Variants in ITGBL1 observed in about 807,000 individuals in gnomAD.
ITGBL1 encodes integrin subunit beta like 1.
A neutral mutation model predicts 68.5 loss-of-function variants in ITGBL1; 51 were observed. That is an observed-to-expected ratio of 0.74 (90% CI 0.59 to 0.94). The LOEUF (loss-of-function observed/expected upper bound fraction) is 0.94, where lower values mean the gene tolerates loss of function less well. Among genes scored for constraint, ITGBL1 ranks in the 40% least tolerant of loss-of-function variants. The probability of loss-of-function intolerance (pLI) is 0.00; values close to 1 mark genes in which losing one functional copy is unlikely to be tolerated. For synonymous variants in ITGBL1, 209 were observed against 227.3 expected (o/e 0.92, Z 0.72); for missense variants, 649 against 647.4 (o/e 1.00, Z -0.03).
chr13:101,535,512 A>C (rs188882809), intron 2 of ITGBL1, among the ~76,000 whole-genome samples: 2 of 152,246 alleles, frequency 1.3e-5, no homozygotes, highest in African/African-American at 4.8e-5. Flanking sequence ...ATTCATGACC[A>C]GACAGTTTTC....
chr13:101,529,247 G>C (rs1255795055), intron 2 of ITGBL1, among the ~76,000 whole-genome samples: 3 of 151,698 alleles, frequency 2.0e-5, no homozygotes, highest in Admixed American at 6.6e-5. Flanking sequence ...TCTTAAATAT[G>C]GTTAATAGGC....
chr13:101,641,534 T>G (rs1277420149), intron 7 of ITGBL1, among the ~76,000 whole-genome samples: 2 of 149,426 alleles, frequency 1.3e-5, no homozygotes, highest in Admixed American at 1.3e-4. Context: ...TTATTTTATT[T>G]TATTTTATTT....
intron 2 of ITGBL1, among the ~76,000 whole-genome samples, chr13:101,470,102 A>G (rs1182179177): frequency 1.3e-5 from 2 of 152,198 alleles, no homozygotes; most frequent in Non-Finnish European, 2.9e-5. Context: ...TCAGATGGCA[A>G]CAGGAGCTGG....
chr13:101,520,218 CAT>C (rs1237889898), intron 2 of ITGBL1, among the ~76,000 whole-genome samples: 1 of 152,134 alleles, frequency 6.6e-6, no homozygotes, highest in African/African-American at 2.4e-5. Context: ...CAATGAAAAA[CAT>C]AAATTTTGTG....
At chr13:101,529,803 A>G (rs2049441730) in intron 2 of ITGBL1, among the ~76,000 whole-genome samples, 1 of 152,130 alleles carries the variant, frequency 6.6e-6, no homozygotes, top group African/African-American at 2.4e-5. Flanking sequence ...GCCATGATTT[A>G]AGTTTCCTGA....
intron 2 of ITGBL1, among the ~76,000 whole-genome samples, chr13:101,566,431 G>A (rs2050184171): frequency 6.6e-6 from 1 of 152,122 alleles, no homozygotes; most frequent in Admixed American, 6.6e-5. Flanking sequence ...GTCAATTTGA[G>A]GGAGTAATGT....
chr13:101,593,538 G>T (rs980210757), intron 6 of ITGBL1, among the ~76,000 whole-genome samples: 6 of 151,966 alleles, frequency 3.9e-5, no homozygotes, highest in African/African-American at 1.4e-4. Context: ...ATTAACAGAT[G>T]AATGGATAAA....
In ITGBL1 at chr13:101,715,678, T is replaced by C. The variant is rs780968257; in HGVS notation, c.*24T>C. ...AACAATTACATGAGAGAGGTCTGGA[T>C]TCTTATTTTTTCTGGGCCATTAGAA... On this transcript the variant is annotated 3_prime_UTR_variant, in exon 11 of 11. Coordinates refer to ENST00000376180, the MANE Select transcript of ITGBL1 (RefSeq NM_004791.3). 21 of 1,463,892 alleles carry C rather than the reference T, an allele frequency of 1.4e-5. No individual in the cohort carries two copies. Among genetic ancestry groups the C allele is most frequent in the Admixed American group, 3.3e-5 (2 of 59,808 alleles). 90.7% of individuals were successfully genotyped at this position (1,463,892 alleles called of 1,614,324 possible).
chr13:101,714,231 T>G lies in ITGBL1; in HGVS notation c.1280-207T>G, dbSNP rs1594008048. The G allele has an allele frequency of 2.1e-5, 12 of 576,128 alleles. No individual in the cohort carries two copies. The East Asian group carries it at 3.5e-4, about 17-fold the overall frequency. The allele number at this position is 576,128 out of a possible 1,614,324, so 35.7% of individuals were successfully genotyped here. A position where few individuals can be genotyped will look rare whatever the true frequency, so the allele number is the denominator to read the frequency against. On this transcript the variant is annotated intron_variant, in intron 9 of 10. Transcript: ENST00000376180. ...ATTTGTTCAAGGCTAATTGCAACTG[T>G]CTAGATCCATAATGAAGGCTTTCCT...
chr13:101,530,862 GGACT>G (rs1399097498), intron 2 of ITGBL1, among the ~76,000 whole-genome samples: 1 of 152,014 alleles, frequency 6.6e-6, no homozygotes, highest in Non-Finnish European at 1.5e-5. Flanking sequence ...AAATCTTCTT[GGACT>G]GACTATCAAC....
chr13:101,514,657 G>T (rs1402780267), intron 2 of ITGBL1, among the ~76,000 whole-genome samples: 3 of 151,916 alleles, frequency 2.0e-5, no homozygotes, highest in Non-Finnish European at 4.4e-5. Flanking sequence ...CCTAGCTGTT[G>T]TCAACATCAC....
chr13:101,491,928 C>T (rs965799694), intron 2 of ITGBL1, among the ~76,000 whole-genome samples: 63 of 152,258 alleles, frequency 4.1e-4, no homozygotes, highest in African/African-American at 1.5e-3. Flanking sequence ...TGGTGGTTTC[C>T]ACCTTCATCC....
At chr13:101,603,970 A>C (rs2030542544) in intron 7 of ITGBL1, among the ~76,000 whole-genome samples, 1 of 151,990 alleles carries the variant, frequency 6.6e-6, no homozygotes, top group African/African-American at 2.4e-5. Context: ...CCAAATGGTT[A>C]TGTTGCTAGT....
intron 2 of ITGBL1, among the ~76,000 whole-genome samples, chr13:101,454,919 T>G (rs1438631042): frequency 6.6e-6 from 1 of 152,180 alleles, no homozygotes; most frequent in Non-Finnish European, 1.5e-5. Context: ...TACATTCATT[T>G]CCCTTGCACA....
intron 2 of ITGBL1, among the ~76,000 whole-genome samples, chr13:101,539,617 G>A (rs1456073280): frequency 6.6e-6 from 1 of 151,606 alleles, no homozygotes; most frequent in Non-Finnish European, 1.5e-5. Flanking sequence ...GATCCCTGAG[G>A]AATCGCCACA....
At chr13:101,640,737 A>G (rs1435609899) in intron 7 of ITGBL1, among the ~76,000 whole-genome samples, 1 of 152,166 alleles carries the variant, frequency 6.6e-6, no homozygotes, top group Non-Finnish European at 1.5e-5. Context: ...GGCAAAGAGC[A>G]TGGTACCTAA....
intron 2 of ITGBL1, among the ~76,000 whole-genome samples, chr13:101,512,025 C>A (rs1404135361): frequency 6.6e-6 from 1 of 152,084 alleles, no homozygotes; most frequent in Non-Finnish European, 1.5e-5. Context: ...TGAATGTTGT[C>A]ATTCTAATTT....
At chr13:101,546,912 G>A (rs1390523024) in intron 2 of ITGBL1, among the ~76,000 whole-genome samples, 1 of 151,956 alleles carries the variant, frequency 6.6e-6, no homozygotes, top group Non-Finnish European at 1.5e-5. Flanking sequence ...GCATAGCAAT[G>A]TGAAGGAAAA....
In ITGBL1 at chr13:101,454,408, C is replaced by T. The variant is rs950597465; in HGVS notation, c.316+308C>T. 5.5e-5 allele frequency among the ~76,000 whole-genome samples: 8 copies of T among 146,570 alleles called. No homozygotes were observed. The East Asian group carries it at 1.3e-3, about 23-fold the overall frequency. On this transcript the variant is annotated intron_variant, in intron 2 of 10. Transcript: ENST00000376180. ...ATGTTGCCCTGGCTGGTCCCCCCCC[C>T]CCCCCCCAACTCCTGGAATCAAGCT...
Sources: gnomAD v4.1 joint callset for allele counts (sites outside exome capture counted in the v4.1 genomes callset) on GRCh38, gnomAD v4.1.1 for gene constraint, MANE v1.5 for transcripts, NCBI Gene and HGNC (gene_info 2026-07-23, HGNC 2026-07-21) for gene names.